Variants in PDIA6 observed in about 807,000 individuals in gnomAD.
The protein encoded by PDIA6 is protein disulfide-isomerase A6.
Under a neutral mutation model 58.4 loss-of-function variants are expected in PDIA6, and 29 were observed. That is an observed-to-expected ratio of 0.50 (90% CI 0.37 to 0.68). The LOEUF is 0.68. PDIA6 is among the 30% of genes least tolerant of loss of function. PDIA6 has a pLI of 0.00. For missense variants in PDIA6, 480 were observed against 551.0 expected (o/e 0.87, Z 1.29); for synonymous variants, 192 against 202.6 (o/e 0.95, Z 0.44).
At chr2:10,797,255 A>G (rs1301972259) in intron 3 of PDIA6, 48 bp from the exon 4 acceptor site, 1 of 1,579,110 alleles carries the variant, frequency 6.3e-7, no homozygotes, top group Admixed American at 1.8e-5. Context: ...GCTAAAGCAG[A>G]CTCCACAAGA....
At chr2:10,793,251 G>A (rs1666118519) in intron 4 of PDIA6, 49 bp from the exon 5 acceptor site, 1 of 1,251,364 alleles carries the variant, frequency 8.0e-7, no homozygotes, top group Non-Finnish European at 1.2e-6. Flanking sequence ...TTCAGCAAGT[G>A]CCTCATCTGG....
At chr2:10,790,309 T>C (rs2969883) in intron 7 of PDIA6, among the ~76,000 whole-genome samples, 2 of 152,096 alleles carry the variant, frequency 1.3e-5, no homozygotes, top group South Asian at 2.1e-4. Context: ...TTCTCCAGAC[T>C]GCACAGATTT....
chr2:10,783,447 G>T lies in PDIA6; in HGVS notation c.*811C>A. The T allele has an allele frequency of 2.0e-6, 1 of 502,768 alleles. No homozygotes were observed. Among genetic ancestry groups the T allele is most frequent in the Non-Finnish European group, 3.5e-6 (1 of 282,542 alleles). 31.1% of individuals were successfully genotyped at this position (502,768 alleles called of 1,614,324 possible). ...ACAATAAAATGCTCTCAAGTCCTTT[G>T]AATGTTCCAACAAATTCAAAACTTC... On this transcript the variant is annotated 3_prime_UTR_variant, in exon 13 of 13. Coordinates refer to ENST00000272227, the MANE Select transcript of PDIA6 (RefSeq NM_005742.4).
chr2:10,803,180 G>A (rs1356091822), intron 1 of PDIA6, among the ~76,000 whole-genome samples: 4 of 152,166 alleles, frequency 2.6e-5, no homozygotes, highest in Admixed American at 1.3e-4. Flanking sequence ...ATTTTGAGAC[G>A]GAGTTTCGCT....
intron 1 of PDIA6, among the ~76,000 whole-genome samples, chr2:10,823,649 G>C (rs1667466966): frequency 6.6e-6 from 1 of 152,140 alleles, no homozygotes; most frequent in Non-Finnish European, 1.5e-5. Context: ...CACCACCTTG[G>C]TTCCAAATGG....
Position 10,783,447 on chromosome 2 carries a change from GA to G in PDIA6, c.*810del, listed in dbSNP as rs1236861211. 1 of 502,650 alleles carries G rather than the reference GA, an allele frequency of 2.0e-6. No homozygotes were observed. The highest frequency in any genetic ancestry group is 3.5e-6 in the Non-Finnish European group (1 of 282,550). The allele number at this position is 502,650 out of a possible 1,614,324, so 31.1% of individuals were successfully genotyped here. ...ACAATAAAATGCTCTCAAGTCCTTT[GA>G]ATGTTCCAACAAATTCAAAACTTCA... On this transcript the variant is annotated 3_prime_UTR_variant, in exon 13 of 13. Coordinates refer to ENST00000272227, the MANE Select transcript of PDIA6 (RefSeq NM_005742.4).
At chr2:10,810,518 G>A in intron 1 of PDIA6, 1 of 1,139,696 alleles carries the variant, frequency 8.8e-7, no homozygotes, top group African/African-American at 1.6e-5. Context: ...GATAGACTTG[G>A]GTTATTCTTT....
intron 1 of PDIA6, chr2:10,822,996 G>A (rs1003424106): frequency 6.6e-6 from 1 of 152,190 alleles, no homozygotes; most frequent in Admixed American, 6.5e-5. Context: ...CTTATCTGGG[G>A]CCAATCTTAG....
intron 1 of PDIA6, among the ~76,000 whole-genome samples, chr2:10,805,041 A>G (rs1666676472): frequency 6.6e-6 from 1 of 152,112 alleles, no homozygotes; most frequent in Middle Eastern, 3.2e-3. Context: ...AATGGCAACA[A>G]AAGACAAAAT....
chr2:10,820,648 A>C (rs1667356188), intron 1 of PDIA6: 1 of 593,798 alleles, frequency 1.7e-6, no homozygotes, highest in Non-Finnish European at 3.0e-6. Context: ...TTTTGTTAGA[A>C]GGGAAGTTCT....
At chr2:10,826,060 A>G (rs760953192) in intron 1 of PDIA6, among the ~76,000 whole-genome samples, 15 of 152,254 alleles carry the variant, frequency 9.9e-5, no homozygotes, top group Non-Finnish European at 1.6e-4. Flanking sequence ...CAAAAGGCTG[A>G]AATAACTCAA....
At chr2:10,835,608 A>C (rs927309676), upstream of PDIA6, among the ~76,000 whole-genome samples, 1 of 152,190 alleles carries the variant, frequency 6.6e-6, no homozygotes, top group Non-Finnish European at 1.5e-5. Flanking sequence ...TTTTAATAAA[A>C]GTAAAGCAGA....
chr2:10,834,483 G>A (rs1667780246), upstream of PDIA6, among the ~76,000 whole-genome samples: 1 of 151,740 alleles, frequency 6.6e-6, no homozygotes, highest in Admixed American at 6.5e-5. Flanking sequence ...GGGCTGCAGT[G>A]ACTCCCAGAG....
intron 8 of PDIA6, among the ~76,000 whole-genome samples, chr2:10,789,477 G>T (rs1665934761): frequency 6.6e-6 from 1 of 152,096 alleles, no homozygotes; most frequent in Admixed American, 6.5e-5. Flanking sequence ...ATTAGTACTT[G>T]ATAAATGTTC....
intron 1 of PDIA6, chr2:10,810,254 T>C (rs1287377653): frequency 2.0e-6 from 3 of 1,492,920 alleles, no homozygotes; most frequent in South Asian, 1.2e-5. Context: ...TAAGATCATA[T>C]AATTAGATAG....
Position 10,784,141 on chromosome 2 carries a change from T to C in PDIA6, c.*117A>G. On this transcript the variant is annotated 3_prime_UTR_variant, in exon 13 of 13. Transcript: ENST00000272227. ...TTTCAAATGACCAATCAAGTACTAC[T>C]TCTTGGTTAAAAGGCCACTGGTAGA... 1 of 626,030 alleles carries C rather than the reference T, an allele frequency of 1.6e-6. No individual in the cohort carries two copies. The highest frequency in any genetic ancestry group is 2.8e-5 in the East Asian group (1 of 35,668). The allele number at this position is 626,030 out of a possible 1,614,324, so 38.8% of individuals were successfully genotyped here.
intron 1 of PDIA6, chr2:10,819,376 A>C: frequency 1.4e-6 from 2 of 1,384,636 alleles, no homozygotes; most frequent in Non-Finnish European, 2.0e-6. Flanking sequence ...AGAGAAGAGG[A>C]GATGAGTGAG....
rs79886653 is a variant in PDIA6, at chr2:10,809,495, G to T, written c.19+3183C>A. 1.5e-3 allele frequency among the ~76,000 whole-genome samples: 233 copies of T among 151,672 alleles called. 1 individual carries two copies. Among genetic ancestry groups the T allele is most frequent in the Middle Eastern group, 3.4e-3 (1 of 294 alleles). On this transcript the variant is annotated intron_variant, in intron 1 of 12. Coordinates refer to ENST00000272227, the MANE Select transcript of PDIA6 (RefSeq NM_005742.4). ...GTTTGAGACCAGCCTGGGCAACATG[G>T]CAAAACTCCATCTCTTGTAGAGAAA...
At chr2:10,822,695 AG>A (rs1189140055) in intron 1 of PDIA6, among the ~76,000 whole-genome samples, 1 of 152,262 alleles carries the variant, frequency 6.6e-6, no homozygotes, top group Non-Finnish European at 1.5e-5. Context: ...TAAGTCAAAC[AG>A]GTAGCTTGGG....
Sources: allele counts gnomAD v4.1 joint callset (sites outside exome capture counted in the v4.1 genomes callset), GRCh38; gene constraint gnomAD v4.1.1; transcripts MANE v1.5; gene names NCBI Gene and HGNC (gene_info 2026-07-23, HGNC 2026-07-21).